The following LRRTM4 variants were observed in gnomAD, a reference collection of about 807,000 sequenced individuals.
LRRTM4 encodes the protein leucine-rich repeat transmembrane neuronal protein 4.
In LRRTM4, 25 loss-of-function variants were observed where a neutral mutation model predicts 47.6. That is an observed-to-expected ratio of 0.53 (90% CI 0.38 to 0.73). The LOEUF is 0.73. Among genes scored for constraint, LRRTM4 ranks in the 30% least tolerant of loss-of-function variants. LRRTM4 has a pLI of 0.00. For missense variants in LRRTM4, 638 were observed against 713.4 expected (o/e 0.89, Z 1.20); for synonymous variants, 311 against 269.5 (o/e 1.15, Z -1.51).
intron 3 of LRRTM4, among the ~76,000 whole-genome samples, chr2:77,016,612 C>A (rs185450976): frequency 2.0e-5 from 3 of 152,052 alleles, no homozygotes; most frequent in Non-Finnish European, 2.9e-5. Flanking sequence ...TCTCTTCTCA[C>A]GCTAGGTACC....
At chr2:77,421,101 C>T (rs564718636) in intron 3 of LRRTM4, among the ~76,000 whole-genome samples, 4 of 151,780 alleles carry the variant, frequency 2.6e-5, no homozygotes, top group African/African-American at 9.7e-5. Flanking sequence ...CTAGAAAAGG[C>T]TTTCACAGTT....
chr2:76,846,176 CTG>C (rs1671831793), intron 3 of LRRTM4, among the ~76,000 whole-genome samples: 1 of 152,016 alleles, frequency 6.6e-6, no homozygotes, highest in Non-Finnish European at 1.5e-5. Flanking sequence ...CAAGGGATGA[CTG>C]TAATTCCAAA....
chr2:77,016,506 TG>T (rs1178797895), intron 3 of LRRTM4, among the ~76,000 whole-genome samples: 1 of 152,174 alleles, frequency 6.6e-6, no homozygotes, highest in African/African-American at 2.4e-5. Flanking sequence ...ATTTTCCATA[TG>T]GTCTGTAAGC....
intron 3 of LRRTM4, among the ~76,000 whole-genome samples, chr2:77,048,575 A>AT (rs1409015040): frequency 1.3e-5 from 2 of 151,930 alleles, no homozygotes; most frequent in Non-Finnish European, 2.9e-5. Context: ...AAAAATCCCT[A>AT]TTTTGAATAC....
chr2:76,917,616 A>G (rs984233547), intron 3 of LRRTM4, among the ~76,000 whole-genome samples: 2 of 152,158 alleles, frequency 1.3e-5, no homozygotes, highest in Non-Finnish European at 1.5e-5. Flanking sequence ...ATTAAGCTCC[A>G]AATTCACTCT....
chr2:76,869,688 A>G (rs936196691), intron 3 of LRRTM4, among the ~76,000 whole-genome samples: 2 of 152,288 alleles, frequency 1.3e-5, no homozygotes, highest in African/African-American at 4.8e-5. Context: ...AAAATACAAT[A>G]TAACTGGAGG....
At chr2:76,869,136 C>T (rs1353702915) in intron 3 of LRRTM4, among the ~76,000 whole-genome samples, 1 of 151,988 alleles carries the variant, frequency 6.6e-6, no homozygotes, top group Non-Finnish European at 1.5e-5. Flanking sequence ...TGGTGAAACC[C>T]CGTCTCTACT....
intron 3 of LRRTM4, among the ~76,000 whole-genome samples, chr2:77,015,832 G>A (rs1434185485): frequency 6.6e-6 from 1 of 152,062 alleles, no homozygotes; most frequent in Non-Finnish European, 1.5e-5. Flanking sequence ...GAGGATAAGA[G>A]AACAGCCAGG....
chr2:77,181,561 A>G (rs1673347379), intron 3 of LRRTM4, among the ~76,000 whole-genome samples: 1 of 152,196 alleles, frequency 6.6e-6, no homozygotes, highest in Non-Finnish European at 1.5e-5. Context: ...TAAAAGTAAA[A>G]TTACTATAAA....
chr2:76,957,567 A>G (rs1477506884), intron 3 of LRRTM4, among the ~76,000 whole-genome samples: 3 of 151,774 alleles, frequency 2.0e-5, no homozygotes, highest in Non-Finnish European at 4.4e-5. Flanking sequence ...AACAATTTCA[A>G]GAAGAATCCC....
At chr2:77,018,912 G>C (rs553967977) in intron 3 of LRRTM4, among the ~76,000 whole-genome samples, 5 of 152,102 alleles carry the variant, frequency 3.3e-5, no homozygotes, top group East Asian at 1.9e-4. Flanking sequence ...ATTTGTGTTT[G>C]AATGTGGTAA....
intron 3 of LRRTM4, among the ~76,000 whole-genome samples, chr2:77,499,350 G>C (rs1678485173): frequency 6.6e-6 from 1 of 151,826 alleles, no homozygotes; most frequent in Non-Finnish European, 1.5e-5. Flanking sequence ...TGTGTCAATG[G>C]GAAGAAGAAC....
chr2:77,173,983 A>T (rs1673124911), intron 3 of LRRTM4, among the ~76,000 whole-genome samples: 1 of 152,204 alleles, frequency 6.6e-6, no homozygotes. Flanking sequence ...GACATATCTT[A>T]ATAGGATGGA....
At chr2:76,850,221 C>T (rs913164307) in intron 3 of LRRTM4, among the ~76,000 whole-genome samples, 46 of 152,132 alleles carry the variant, frequency 3.0e-4, no homozygotes, top group African/African-American at 9.7e-4. Context: ...TCTGCACTTT[C>T]ATGCTATGTC....
chr2:77,048,611 C>A (rs1326066666), intron 3 of LRRTM4, among the ~76,000 whole-genome samples: 1 of 151,622 alleles, frequency 6.6e-6, no homozygotes, highest in East Asian at 1.9e-4. Context: ...CTTTATTCTC[C>A]AGTTTGAATT....
chr2:77,275,339 C>T (rs1161352560), intron 3 of LRRTM4, among the ~76,000 whole-genome samples: 6 of 151,804 alleles, frequency 4.0e-5, no homozygotes, highest in East Asian at 2.0e-4. Flanking sequence ...CTACCTCCAA[C>T]GTATTTATTA....
At chr2:76,872,806 G>A (rs1455236251) in intron 3 of LRRTM4, among the ~76,000 whole-genome samples, 1 of 152,046 alleles carries the variant, frequency 6.6e-6, no homozygotes, top group Non-Finnish European at 1.5e-5. Flanking sequence ...TGCTGTCCTT[G>A]CAGTAATAAT....
chr2:76,996,838 C>G (rs74618901), intron 3 of LRRTM4, among the ~76,000 whole-genome samples: 15,088 of 152,072 alleles, frequency 0.099, 1,078 homozygotes, highest in East Asian at 0.38. Flanking sequence ...GAGTTATTGG[C>G]CTGAGAGTCA....
chr2:76,797,335 T>G (rs1256765260), intron 3 of LRRTM4, among the ~76,000 whole-genome samples: 2 of 152,014 alleles, frequency 1.3e-5, no homozygotes, highest in African/African-American at 4.8e-5. Flanking sequence ...AAAAGAATTT[T>G]CAACCCAGAA....
Sources: gnomAD v4.1 joint callset for allele counts (sites outside exome capture counted in the v4.1 genomes callset) on GRCh38, gnomAD v4.1.1 for gene constraint, MANE v1.5 for transcripts, NCBI Gene and HGNC (gene_info 2026-07-23, HGNC 2026-07-21) for gene names.